B4GALT5: variants seen among roughly 807,000 people sequenced by gnomAD.
The protein encoded by B4GALT5 is beta-1,4-galactosyltransferase 5.
B4GALT5 carries 11 observed loss-of-function variants against 45.0 expected under a neutral mutation model. That is an observed-to-expected ratio of 0.24 (90% CI 0.15 to 0.40). B4GALT5 has a LOEUF of 0.40. Ranked by LOEUF, B4GALT5 falls within the 10% of genes least tolerant of loss-of-function variation. The pLI, the probability that B4GALT5 is intolerant of heterozygous loss-of-function variation, is 1.00. For missense variants in B4GALT5, 337 were observed against 500.2 expected (o/e 0.67, Z 3.11); for synonymous variants, 185 against 182.9 (o/e 1.01, Z -0.09).
intron 1 of B4GALT5, among the ~76,000 whole-genome samples, chr20:49,685,325 T>C (rs1257090666): frequency 2.0e-5 from 3 of 152,110 alleles, no homozygotes; most frequent in Admixed American, 6.6e-5. Context: ...TCCTCTCAAC[T>C]CATACCACAA....
chr20:49,636,031 A>C lies in B4GALT5; in HGVS notation c.*281T>G. Reference sequence around the variant, plus strand: ...CTGCGGCTAAGACAGGATGTGGGGTAGGAGATGGGGAGAGAGCAGCGGGAC... The same window carrying C: ...CTGCGGCTAAGACAGGATGTGGGGTCGGAGATGGGGAGAGAGCAGCGGGAC... On this transcript the variant is annotated 3_prime_UTR_variant, in exon 9 of 9. Transcript: ENST00000371711. 1 of 397,108 alleles carries C rather than the reference A, an allele frequency of 2.5e-6. No homozygotes were observed. Among genetic ancestry groups the C allele is most frequent in the Non-Finnish European group, 4.7e-6 (1 of 211,488 alleles). 24.6% of individuals were successfully genotyped at this position (397,108 alleles called of 1,614,324 possible).
At chr20:49,705,189 G>A (rs1382440662) in intron 1 of B4GALT5, among the ~76,000 whole-genome samples, 2 of 152,134 alleles carry the variant, frequency 1.3e-5, no homozygotes, top group African/African-American at 4.8e-5. Flanking sequence ...CAACTACCTA[G>A]AGGATTGAGG....
At chr20:49,642,334 C>G (rs973349170) in intron 5 of B4GALT5, 134 bp downstream of exon 5, 14 of 693,758 alleles carry the variant, frequency 2.0e-5, no homozygotes, top group East Asian at 1.3e-4. Context: ...CTCTGCTCCC[C>G]CTTCAAACCT....
At chr20:49,704,991 A>T (rs1366054448) in intron 1 of B4GALT5, among the ~76,000 whole-genome samples, 2 of 152,088 alleles carry the variant, frequency 1.3e-5, no homozygotes, top group Admixed American at 1.3e-4. Flanking sequence ...ACTCAAACTA[A>T]CAAAAGGAGA....
intron 1 of B4GALT5, among the ~76,000 whole-genome samples, chr20:49,670,765 G>C (rs1009290329): frequency 6.6e-6 from 1 of 152,128 alleles, no homozygotes; most frequent in African/African-American, 2.4e-5. Flanking sequence ...AGAGGCTTTG[G>C]TGGAACAGGT....
intron 1 of B4GALT5, among the ~76,000 whole-genome samples, chr20:49,660,658 C>A (rs1305453132): frequency 6.6e-6 from 1 of 152,160 alleles, no homozygotes; most frequent in Non-Finnish European, 1.5e-5. Context: ...TTATACAAAT[C>A]AAACTGTAGG....
intron 1 of B4GALT5, among the ~76,000 whole-genome samples, chr20:49,683,620 T>A (rs552157983): frequency 6.5e-4 from 98 of 151,922 alleles, no homozygotes; most frequent in African/African-American, 2.3e-3. Context: ...CTTGAACTCC[T>A]GACCTCAGAT....
At chr20:49,663,691 ATATATACATATATATATAT>A (rs2085676138) in intron 1 of B4GALT5, among the ~76,000 whole-genome samples, 1 of 85,824 alleles carries the variant, frequency 1.2e-5, no homozygotes, top group Admixed American at 1.3e-4. Context: ...AAAAAAAAAA[ATATATACATATATATATAT>A]ATATATATAT....
At chr20:49,657,712 T>G (rs1381162784) in intron 1 of B4GALT5, among the ~76,000 whole-genome samples, 2 of 152,202 alleles carry the variant, frequency 1.3e-5, no homozygotes, top group African/African-American at 2.4e-5. Context: ...CAGTGCCTCC[T>G]CCACACTCAA....
At chr20:49,638,667 A>C (rs1355551545) in intron 7 of B4GALT5, among the ~76,000 whole-genome samples, 1 of 152,124 alleles carries the variant, frequency 6.6e-6, no homozygotes. Context: ...CAGGAGGGGC[A>C]CTTAGTTATA....
chr20:49,656,793 T>G, intron 1 of B4GALT5, 91 bp from the exon 2 acceptor site: 1 of 1,552,212 alleles, frequency 6.4e-7, no homozygotes, highest in South Asian at 1.2e-5. Context: ...TTTTTCTTTT[T>G]GGACTTTTAA....
chr20:49,664,088 T>C (rs2146340752), intron 1 of B4GALT5, among the ~76,000 whole-genome samples: 1 of 152,200 alleles, frequency 6.6e-6, no homozygotes, highest in Middle Eastern at 3.4e-3. Flanking sequence ...GGTCATCCCT[T>C]TACCAAATGT....
chr20:49,643,296 C>T (rs1304846191), intron 4 of B4GALT5, among the ~76,000 whole-genome samples: 1 of 152,152 alleles, frequency 6.6e-6, no homozygotes, highest in African/African-American at 2.4e-5. Context: ...TGTTAATATT[C>T]CTGGTGGGAA....
chr20:49,697,973 T>G, intron 1 of B4GALT5, among the ~76,000 whole-genome samples: 1 of 152,274 alleles, frequency 6.6e-6, no homozygotes, highest in African/African-American at 2.4e-5. Flanking sequence ...GTTAGAAAAA[T>G]TACTTTTGTT....
intron 1 of B4GALT5, among the ~76,000 whole-genome samples, chr20:49,697,973 T>C (rs1325156868): frequency 6.6e-6 from 1 of 152,156 alleles, no homozygotes; most frequent in African/African-American, 2.4e-5. Flanking sequence ...GTTAGAAAAA[T>C]TACTTTTGTT....
chr20:49,660,810 T>A (rs1186880898), intron 1 of B4GALT5, among the ~76,000 whole-genome samples: 1 of 152,038 alleles, frequency 6.6e-6, no homozygotes, highest in Admixed American at 6.5e-5. Flanking sequence ...TACAGCAAAA[T>A]CCCGTCTCTA....
At chr20:49,672,324 G>A (rs1334460677) in intron 1 of B4GALT5, among the ~76,000 whole-genome samples, 1 of 152,216 alleles carries the variant, frequency 6.6e-6, no homozygotes, top group Non-Finnish European at 1.5e-5. Flanking sequence ...GGAAATCAGA[G>A]CCATGCTTTC....
At chr20:49,683,385 ATTTTTTTT>A (rs66503719) in intron 1 of B4GALT5, among the ~76,000 whole-genome samples, 11 of 96,638 alleles carry the variant, frequency 1.1e-4, no homozygotes, top group South Asian at 3.5e-4. Context: ...ACAGGTTTAA[ATTTTTTTT>A]TTTTTTTTTT....
chr20:49,677,071 G>A (rs781664024), intron 1 of B4GALT5, among the ~76,000 whole-genome samples: 4 of 152,038 alleles, frequency 2.6e-5, no homozygotes, highest in Non-Finnish European at 1.5e-5. Flanking sequence ...TTTGTTCTAG[G>A]GGGTATTTCT....
Sources: allele counts gnomAD v4.1 joint callset (sites outside exome capture counted in the v4.1 genomes callset), GRCh38; gene constraint gnomAD v4.1.1; transcripts MANE v1.5; gene names NCBI Gene and HGNC (gene_info 2026-07-23, HGNC 2026-07-21).